GOLGB1: variants seen among roughly 807,000 people sequenced by gnomAD.
GOLGB1 encodes golgin subfamily B member 1.
A neutral mutation model predicts 336.9 loss-of-function variants in GOLGB1; 174 were observed. The ratio of observed to expected loss-of-function variants is 0.52; its 90% CI spans 0.46 to 0.59. GOLGB1 has a LOEUF of 0.59. Among genes scored for constraint, GOLGB1 ranks in the 20% least tolerant of loss-of-function variants. The probability of loss-of-function intolerance (pLI) is 0.00; values close to 1 mark genes in which losing one functional copy is unlikely to be tolerated. For synonymous variants in GOLGB1, 1,208 were observed against 1,289.2 expected (o/e 0.94, Z 1.35); for missense variants, 3,331 against 3,645.3 (o/e 0.91, Z 2.22).
chr3:121,668,124 G>A lies in GOLGB1; in HGVS notation c.9356C>T (p.Pro3119Leu). ...PLNIDVAPGA[P>L]QEKNGVHRKS... ...TCTGTGAACTCCATTCTTTTCCTGG[G>A]GAGCTCCTGGAGCAACATCTATATT... The change falls in exon 19 of 22, where the codon CCC becomes CTC. Residue 3119 changes from proline (P) to leucine (L), a missense_variant. Transcript: ENST00000614479. 6.2e-7 allele frequency: 1 copy of A among 1,604,882 alleles called. No individual in the cohort carries two copies. The highest frequency in any genetic ancestry group is 8.5e-7 in the Non-Finnish European group (1 of 1,174,224).
intron 11 of GOLGB1, among the ~76,000 whole-genome samples, chr3:121,700,554 T>G (rs79258785): frequency 0.12 from 17,976 of 152,068 alleles, 1,159 homozygotes; most frequent in East Asian, 0.24. Flanking sequence ...TTTTTTACAC[T>G]GTATCCAAAT....
intron 17 of GOLGB1, among the ~76,000 whole-genome samples, chr3:121,675,965 CGGAAAT>C (rs940540513): frequency 6.6e-6 from 1 of 152,098 alleles, no homozygotes; most frequent in African/African-American, 2.4e-5. Flanking sequence ...GTGGAACTTC[CGGAAAT>C]AGCTGATTTG....
intron 17 of GOLGB1, among the ~76,000 whole-genome samples, chr3:121,676,616 T>C (rs1178871260): frequency 6.6e-6 from 1 of 152,216 alleles, no homozygotes; most frequent in Non-Finnish European, 1.5e-5. Flanking sequence ...CTACAAGTGA[T>C]ACAGGTCAGG....
intron 13 of GOLGB1, 102 bp from the exon 14 acceptor site, chr3:121,692,683 T>C: frequency 1.6e-6 from 1 of 645,058 alleles, no homozygotes. Context: ...TACAAATGAA[T>C]TAACATTCAT....
In GOLGB1 at chr3:121,726,919, A is replaced by G. The variant is rs373177806; in HGVS notation, c.525T>C (p.Pro175=). 68 of 1,595,738 alleles carry G rather than the reference A, an allele frequency of 4.3e-5. No individual in the cohort carries two copies. In the African/African-American group the frequency reaches 8.2e-4, roughly 19 times the overall value. The change falls in exon 5 of 22, where the codon CCT becomes CCC. Residue 175 remains proline (P), a synonymous_variant. Transcript: ENST00000614479. ...AAGTAACTTCCACCCCTACCTGTGC[A>G]GGTTGTTCTGCCTGTGCCTGAGTAA... ...AQLTQAQAEQ[P]AQSSTEMEEF...
chr3:121,697,386 T>C lies in GOLGB1; in HGVS notation c.3137A>G (p.Lys1046Arg), dbSNP rs1943038219. 1 of 1,613,654 alleles carries C rather than the reference T, an allele frequency of 6.2e-7. No individual in the cohort carries two copies. Among genetic ancestry groups the C allele is most frequent in the East Asian group, 2.2e-5 (1 of 44,874 alleles). The change falls in exon 13 of 22, where the codon AAA (lysine) becomes AGA (arginine). Residue 1046 changes from lysine to arginine, a missense_variant. Physicochemically the swap from Lys to Arg is conservative, Grantham distance 26. Transcript: ENST00000614479. ...TTTTTCTGAGTATTCTTTGTTTTCTTTATCTTCTTCCACTTCTCCCCTCTC... is the reference window on the plus strand; with the variant it reads ...TTTTTCTGAGTATTCTTTGTTTTCTCTATCTTCTTCCACTTCTCCCCTCTC... ...ETERGEVEED[K>R]ENKEYSEKCV...
intron 20 of GOLGB1, among the ~76,000 whole-genome samples, chr3:121,665,792 CTT>C (rs1938531010): frequency 6.6e-6 from 1 of 152,316 alleles, no homozygotes; most frequent in African/African-American, 2.4e-5. Context: ...TGCCTCTACT[CTT>C]TGTGTTTTCT....
In GOLGB1 at chr3:121,691,479, C is replaced by T. The variant is rs758245519; in HGVS notation, c.7885G>A (p.Glu2629Lys). The T allele has an allele frequency of 3.1e-6, 5 of 1,613,430 alleles. No individual in the cohort carries two copies. Among genetic ancestry groups the T allele is most frequent in the Non-Finnish European group, 8.5e-7 (1 of 1,179,848 alleles). ...GCATGATAGAGTCCTAAAGTACCTT[C>T]TTCTTGCAAGGCTGTTACTTGTCTT... ...LTRQVTALQE[E>K]GTLGLYHAQL... Residue 2629 changes from glutamate to lysine, a missense_variant, in exon 14 of 22, where the codon GAA (glutamate) becomes AAA (lysine). Physicochemically the swap from Glu to Lys is moderately conservative, Grantham distance 56. Transcript: ENST00000614479.
chr3:121,707,257 A>G (rs1943960124), intron 10 of GOLGB1, among the ~76,000 whole-genome samples: 2 of 151,354 alleles, frequency 1.3e-5, no homozygotes, highest in South Asian at 4.2e-4. Context: ...AATAAAAACA[A>G]ACAAACAAAA....
At chr3:121,747,173 TATATATATATATATATATATGG>T (rs1167374992) in intron 1 of GOLGB1, among the ~76,000 whole-genome samples, 10 of 130,358 alleles carry the variant, frequency 7.7e-5, no homozygotes, top group African/African-American at 2.9e-4. Flanking sequence ...TATATATATA[TATATATATATATATATATATGG>T]ATGTTACATA....
chr3:121,723,313 C>T (rs1945325062), intron 5 of GOLGB1, among the ~76,000 whole-genome samples: 1 of 152,140 alleles, frequency 6.6e-6, no homozygotes, highest in Non-Finnish European at 1.5e-5. Context: ...GCACAAGCAA[C>T]AAGTGTATAT....
At chr3:121,739,632 G>A (rs1449528656) in intron 1 of GOLGB1, among the ~76,000 whole-genome samples, 1 of 151,116 alleles carries the variant, frequency 6.6e-6, no homozygotes, top group Non-Finnish European at 1.5e-5. Flanking sequence ...TTGAAATGAA[G>A]GATAATTTTA....
chr3:121,676,766 A>G lies in GOLGB1; in HGVS notation c.9177+127T>C, dbSNP rs1007583470. 13 of 789,048 alleles carry G rather than the reference A, an allele frequency of 1.6e-5. No individual in the cohort carries two copies. The Admixed American group carries it at 1.7e-4, about 10-fold the overall frequency. The allele number at this position is 789,048 out of a possible 1,614,324, so 48.9% of individuals were successfully genotyped here. A position where few individuals can be genotyped will look rare whatever the true frequency, so the allele number is the denominator to read the frequency against. ...TGGAATAAGCACCCAGGTTCTGAGAAAGGTGAAACTTCTGTACCCTAAGAT... is the reference window on the plus strand; with the variant it reads ...TGGAATAAGCACCCAGGTTCTGAGAGAGGTGAAACTTCTGTACCCTAAGAT... On this transcript the variant is annotated intron_variant, in intron 17 of 21. Transcript: ENST00000614479.
rs78881111 is a variant in GOLGB1, at chr3:121,676,731, T to A, written c.9177+162A>T. 6.1e-3 allele frequency among the ~76,000 whole-genome samples: 927 copies of A among 152,282 alleles called. 17 individuals carry two copies. Among genetic ancestry groups the A allele is most frequent in the African/African-American group, 0.021 (892 of 41,558 alleles). ...GCAAAGGACAAGAAATGGCCCTGTG[T>A]CCAGTGCTTTGGAATAAGCACCCAG... On this transcript the variant is annotated intron_variant, in intron 17 of 21. Coordinates refer to ENST00000614479, the MANE Select transcript of GOLGB1 (RefSeq NM_001366282.2).
chr3:121,678,594 G>A (rs754284526), intron 15 of GOLGB1, among the ~76,000 whole-genome samples: 6 of 151,356 alleles, frequency 4.0e-5, no homozygotes, highest in African/African-American at 1.5e-4. Flanking sequence ...TTGAAACAGG[G>A]TCTCACTCTG....
chr3:121,728,761 G>A (rs1456122519), intron 4 of GOLGB1, among the ~76,000 whole-genome samples: 1 of 152,126 alleles, frequency 6.6e-6, no homozygotes, highest in Non-Finnish European at 1.5e-5. Context: ...ACCACTATGT[G>A]ACTATATATG....
Position 121,694,390 on chromosome 3 carries a change from T to C in GOLGB1, c.6133A>G (p.Arg2045Gly). The change falls in exon 13 of 22, where the codon AGA becomes GGA. Residue 2045 changes from arginine (R) to glycine (G), a missense_variant. Physicochemically the swap from Arg to Gly is moderately radical, Grantham distance 125. Coordinates refer to ENST00000614479, the MANE Select transcript of GOLGB1 (RefSeq NM_001366282.2). ...RYQEKISALE[R>G]TVKALEFVQT... ...ACAAATTCTAGAGCTTTAACAGTTCTCTCCAGAGCACTAATTTTCTCTTGA... is the reference window on the plus strand; with the variant it reads ...ACAAATTCTAGAGCTTTAACAGTTCCCTCCAGAGCACTAATTTTCTCTTGA... 6.2e-7 allele frequency: 1 copy of C among 1,613,222 alleles called. No individual in the cohort carries two copies. Among genetic ancestry groups the C allele is most frequent in the Non-Finnish European group, 8.5e-7 (1 of 1,179,428 alleles).
Position 121,694,924 on chromosome 3 carries a change from A to T in GOLGB1, c.5599T>A (p.Phe1867Ile). 1.9e-6 allele frequency: 3 copies of T among 1,614,026 alleles called. No homozygotes were observed. Among genetic ancestry groups the T allele is most frequent in the Non-Finnish European group, 2.5e-6 (3 of 1,179,972 alleles). ...LEEEKQKNKE[F>I]SQTLENEKNT... Reference sequence around the variant, plus strand: ...TTCTCATTTTCTAAAGTCTGGCTAAATTCCTTGTTTTTCTGCTTCTCCTCC... The same window carrying T: ...TTCTCATTTTCTAAAGTCTGGCTAATTTCCTTGTTTTTCTGCTTCTCCTCC... Residue 1867 changes from phenylalanine (F) to isoleucine (I), a missense_variant, in exon 13 of 22, where the codon TTT becomes ATT. Coordinates refer to ENST00000614479, the MANE Select transcript of GOLGB1 (RefSeq NM_001366282.2).
In GOLGB1 at chr3:121,695,945, T is replaced by G; in HGVS notation, c.4578A>C (p.Ala1526=). 5 of 1,613,860 alleles carry G rather than the reference T, an allele frequency of 3.1e-6. No homozygotes were observed. The highest frequency in any genetic ancestry group is 4.2e-6 in the Non-Finnish European group (5 of 1,179,886). ...GAGCAGAAACTTGGCTTTCCACATCTGCCAGAGACTTGGTGAGACGTTCAA... is the reference window on the plus strand; with the variant it reads ...GAGCAGAAACTTGGCTTTCCACATCGGCCAGAGACTTGGTGAGACGTTCAA... The part of the protein sequence containing the change: ...GTIERLTKSL[A]DVESQVSAQN... Residue 1526 remains alanine, a synonymous_variant, in exon 13 of 22, where the codon GCA becomes GCC. Coordinates refer to ENST00000614479, the MANE Select transcript of GOLGB1 (RefSeq NM_001366282.2).
Sources: allele counts gnomAD v4.1 joint callset (sites outside exome capture counted in the v4.1 genomes callset), GRCh38; gene constraint gnomAD v4.1.1; transcripts MANE v1.5; gene names NCBI Gene and HGNC (gene_info 2026-07-23, HGNC 2026-07-21).